The following SYT1 variants were observed in gnomAD, a reference collection of about 807,000 sequenced individuals.
The protein encoded by SYT1 is synaptotagmin-1.
SYT1 carries 8 observed loss-of-function variants against 44.8 expected under a neutral mutation model. The ratio of observed to expected loss-of-function variants is 0.18; its 90% CI spans 0.10 to 0.32. The LOEUF (loss-of-function observed/expected upper bound fraction) is 0.32. Among genes scored for constraint, SYT1 ranks in the 10% least tolerant of loss-of-function variants. The pLI is 1.00. For synonymous variants in SYT1, 154 were observed against 188.8 expected (o/e 0.82, Z 1.51); for missense variants, 286 against 509.3 (o/e 0.56, Z 4.22).
chr12:78,889,823 T>C (rs1592528532), intron 1 of SYT1, among the ~76,000 whole-genome samples: 1 of 152,044 alleles, frequency 6.6e-6, no homozygotes, highest in East Asian at 2.0e-4. Flanking sequence ...TCTTCAAGGA[T>C]GTTTTGTAAA....
chr12:79,053,143 G>A (rs61929015), intron 3 of SYT1, among the ~76,000 whole-genome samples: 7,100 of 152,220 alleles, frequency 0.047, 210 homozygotes, highest in Admixed American at 0.082. Flanking sequence ...TTAAGAAAAT[G>A]TGGCACACAT....
intron 4 of SYT1, among the ~76,000 whole-genome samples, chr12:79,219,695 C>T (rs1046015527): frequency 3.3e-5 from 5 of 151,832 alleles, no homozygotes; most frequent in Non-Finnish European, 7.4e-5. Context: ...TCTGTTTCAT[C>T]GTCTATGTGT....
At chr12:78,984,121 C>A (rs545415830) in intron 2 of SYT1, among the ~76,000 whole-genome samples, 147 of 151,650 alleles carry the variant, frequency 9.7e-4, no homozygotes, top group Middle Eastern at 3.4e-3. Flanking sequence ...TCAGACCAAC[C>A]ACCAAGACAA....
chr12:79,176,994 C>A (rs2138376498), intron 3 of SYT1, among the ~76,000 whole-genome samples: 1 of 151,688 alleles, frequency 6.6e-6, no homozygotes, highest in Admixed American at 6.6e-5. Flanking sequence ...TCCCCCAATT[C>A]TCCAAAATTT....
At chr12:78,897,592 A>C (rs1551847) in intron 1 of SYT1, among the ~76,000 whole-genome samples, 96,639 of 151,786 alleles carry the variant, frequency 0.64, 31,404 homozygotes, top group East Asian at 0.83. Flanking sequence ...CACTGATACA[A>C]ATTAGATTTC....
chr12:79,186,663 C>T (rs976596247), intron 3 of SYT1, among the ~76,000 whole-genome samples: 3 of 152,014 alleles, frequency 2.0e-5, no homozygotes, highest in Non-Finnish European at 4.4e-5. Flanking sequence ...AAGTAGACTC[C>T]TGGCCCCCTG....
At chr12:79,340,611 A>C (rs933258148) in intron 8 of SYT1, among the ~76,000 whole-genome samples, 4 of 152,220 alleles carry the variant, frequency 2.6e-5, no homozygotes, top group African/African-American at 9.6e-5. Flanking sequence ...TGTCATCTGC[A>C]AACAGGGACA....
At chr12:79,137,186 C>G (rs575314009) in intron 3 of SYT1, among the ~76,000 whole-genome samples, 5 of 152,206 alleles carry the variant, frequency 3.3e-5, no homozygotes, top group African/African-American at 1.2e-4. Flanking sequence ...ACCTCCACCT[C>G]CCTGGTTCAG....
At position 79,157,935 on chromosome 12, in the gene SYT1, G is replaced by C. The variant is rs377749432; in HGVS notation, c.-17-59568G>C. Among the ~76,000 whole-genome samples, 14 of 152,094 alleles carry C rather than the reference G, an allele frequency of 9.2e-5. No homozygotes were observed. The South Asian group carries it at 1.0e-3, about 11-fold the overall frequency. Reference sequence around the variant, plus strand: ...CTCTGAAACTAGGACTCAAACTCAGGCAGCTGACTCCAGAGTCCACATTTA... The same window carrying C: ...CTCTGAAACTAGGACTCAAACTCAGCCAGCTGACTCCAGAGTCCACATTTA... On this transcript the variant is annotated intron_variant, in intron 3 of 10. Coordinates refer to ENST00000261205, the MANE Select transcript of SYT1 (RefSeq NM_005639.3).
In SYT1 at chr12:78,879,227, A is replaced by G. The variant is rs149945415; in HGVS notation, c.-217+14118A>G. On this transcript the variant is annotated intron_variant, in intron 1 of 10. Coordinates refer to ENST00000261205, the MANE Select transcript of SYT1 (RefSeq NM_005639.3). ...AATGGCTTTATATAGGAGGTGATGC[A>G]TAAGATACTCTGAGTGACTTTGGGG... is the stretch of plus-strand genomic sequence containing the variant. 1.1e-4 allele frequency among the ~76,000 whole-genome samples: 17 copies of G among 151,938 alleles called. No homozygotes were observed. In the East Asian group the frequency reaches 2.7e-3, roughly 24 times the overall value.
intron 8 of SYT1, among the ~76,000 whole-genome samples, chr12:79,342,040 G>A (rs553853679): frequency 2.6e-5 from 4 of 152,236 alleles, no homozygotes; most frequent in Non-Finnish European, 5.9e-5. Context: ...TGTAGGTGGC[G>A]TGGCACAGTT....
chr12:78,878,180 G>A (rs1337220863), intron 1 of SYT1, among the ~76,000 whole-genome samples: 1 of 151,610 alleles, frequency 6.6e-6, no homozygotes, highest in Admixed American at 6.6e-5. Flanking sequence ...TTGTAGATCG[G>A]AAGAGGATAC....
chr12:79,087,472 A>C (rs1362180230), intron 3 of SYT1, among the ~76,000 whole-genome samples: 1 of 152,142 alleles, frequency 6.6e-6, no homozygotes, highest in African/African-American at 2.4e-5. Flanking sequence ...TGTCTCATCT[A>C]TTCATCTAAC....
chr12:78,974,131 T>C (rs1363474841), intron 1 of SYT1, among the ~76,000 whole-genome samples: 2 of 150,504 alleles, frequency 1.3e-5, no homozygotes, highest in East Asian at 2.0e-4. Context: ...GTATAGCCTA[T>C]TGCTCCTAAG....
At chr12:79,095,698 G>A (rs1186349465) in intron 3 of SYT1, among the ~76,000 whole-genome samples, 1 of 151,756 alleles carries the variant, frequency 6.6e-6, no homozygotes, top group African/African-American at 2.4e-5. Flanking sequence ...TTCTTGGCTG[G>A]CTTTTTTGTT....
intron 4 of SYT1, among the ~76,000 whole-genome samples, chr12:79,236,712 G>A (rs1876211741): frequency 6.6e-6 from 1 of 152,142 alleles, no homozygotes; most frequent in African/African-American, 2.4e-5. Context: ...GTCAACAAAT[G>A]TTTGTGTCAT....
intron 2 of SYT1, among the ~76,000 whole-genome samples, chr12:79,030,265 C>T (rs564140347): frequency 6.6e-6 from 1 of 151,048 alleles, no homozygotes; most frequent in East Asian, 2.0e-4. Flanking sequence ...CCTTTGTGAC[C>T]TTATTCTAAG....
intron 2 of SYT1, among the ~76,000 whole-genome samples, chr12:78,988,565 G>A (rs1473136215): frequency 6.6e-6 from 1 of 151,852 alleles, no homozygotes; most frequent in African/African-American, 2.4e-5. Context: ...AATCCCAAAG[G>A]CAATGAAGAA....
intron 3 of SYT1, among the ~76,000 whole-genome samples, chr12:79,180,051 C>T (rs1009854567): frequency 3.3e-5 from 5 of 151,902 alleles, no homozygotes; most frequent in Admixed American, 6.6e-5. Flanking sequence ...TTCTTCAAGA[C>T]GTATCTTCAG....
Sources: allele counts gnomAD v4.1 joint callset (sites outside exome capture counted in the v4.1 genomes callset), GRCh38; gene constraint gnomAD v4.1.1; transcripts MANE v1.5; gene names NCBI Gene and HGNC (gene_info 2026-07-23, HGNC 2026-07-21).